PTGER3: variants seen among roughly 807,000 people sequenced by gnomAD.
PTGER3 encodes prostaglandin E receptor 3, also known as prostaglandin E2 receptor EP3 subtype.
In PTGER3, 22 loss-of-function variants were observed where a neutral mutation model predicts 34.7. The observed-to-expected ratio is 0.63, with a 90% CI of 0.45 to 0.91. PTGER3 has a LOEUF of 0.91. PTGER3 is among the 40% of genes least tolerant of loss of function. The pLI, the probability that PTGER3 is intolerant of heterozygous loss-of-function variation, is 0.00. For synonymous variants in PTGER3, 241 were observed against 230.1 expected (o/e 1.05, Z -0.43); for missense variants, 468 against 519.4 (o/e 0.90, Z 0.96).
At chr1:71,042,504 T>C (rs1048479592) in intron 1 of PTGER3, among the ~76,000 whole-genome samples, 1 of 152,028 alleles carries the variant, frequency 6.6e-6, no homozygotes, top group African/African-American at 2.4e-5. Context: ...TTTATAATCA[T>C]AGAATATTTT....
chr1:70,955,546 T>A (rs1651234591), intron 2 of PTGER3, among the ~76,000 whole-genome samples: 3 of 151,956 alleles, frequency 2.0e-5, no homozygotes, highest in African/African-American at 7.2e-5. Context: ...AGGGGAAAAG[T>A]CCTACTAAGA....
intron 2 of PTGER3, among the ~76,000 whole-genome samples, chr1:70,996,658 T>TATTTATTTATTC (rs1655991637): frequency 7.0e-6 from 1 of 142,592 alleles, no homozygotes; most frequent in Non-Finnish European, 1.5e-5. Context: ...TTTATTTATT[T>TATTTATTTATTC]ATTTATTTAT....
Position 70,934,948 on chromosome 1 carries a change from T to G in PTGER3, c.*23+18815A>C, listed in dbSNP as rs537863884. Among the ~76,000 whole-genome samples the G allele has an allele frequency of 2.0e-5, 3 of 152,324 alleles. No homozygotes were observed. The South Asian group carries it at 6.2e-4, about 32-fold the overall frequency. ...TTGTTTAACCTAGCAGTTCTAAACT[T>G]TCCCTTTTGGCCCTTCAAGGTAAAT... is the stretch of plus-strand genomic sequence containing the variant. On this transcript the variant is annotated intron_variant, in intron 4 of 4. Transcript: ENST00000370931.
At chr1:71,000,954 A>G (rs1394410325) in intron 2 of PTGER3, among the ~76,000 whole-genome samples, 3 of 152,176 alleles carry the variant, frequency 2.0e-5, no homozygotes, top group Non-Finnish European at 4.4e-5. Flanking sequence ...AAAATAGAAA[A>G]TCAGCATATA....
At chr1:71,046,179 GA>G (rs1200344427) in intron 1 of PTGER3, among the ~76,000 whole-genome samples, 3 of 149,788 alleles carry the variant, frequency 2.0e-5, no homozygotes, top group African/African-American at 7.4e-5. Context: ...CAGCTACTCG[GA>G]GAGGCTGAGG....
At chr1:71,015,115 A>G (rs3765894) in intron 1 of PTGER3, among the ~76,000 whole-genome samples, 50,339 of 151,820 alleles carry the variant, frequency 0.33, 9,041 homozygotes, top group South Asian at 0.45. Context: ...TTTAATCCTC[A>G]TCATTTCTAC....
At chr1:70,994,196 C>T (rs1655721196) in intron 2 of PTGER3, among the ~76,000 whole-genome samples, 1 of 152,160 alleles carries the variant, frequency 6.6e-6, no homozygotes, top group Non-Finnish European at 1.5e-5. Context: ...AAACTGTCTT[C>T]CCTTCATATC....
rs772786049 is a variant in PTGER3 at position 71,046,668 on chromosome 1, T to C, written c.897+13A>G. On this transcript the variant is annotated intron_variant, in intron 1 of 3. Coordinates refer to ENST00000306666, the MANE Select transcript of PTGER3 (RefSeq NM_198719.2). The stretch of plus-strand genomic sequence containing the variant: ...CACGCATCCTGACTTCCCCCAACCC[T>C]GGAACTACCTACCAGGAGCGGAGAC... 1 of 1,532,420 alleles carries C rather than the reference T, an allele frequency of 6.5e-7. No individual in the cohort carries two copies. Among genetic ancestry groups the C allele is most frequent in the South Asian group, 1.3e-5 (1 of 79,370 alleles). The allele number at this position is 1,532,420 out of a possible 1,614,324, so 94.9% of individuals were successfully genotyped here. A position where few individuals can be genotyped will look rare whatever the true frequency, so the allele number is the denominator to read the frequency against.
intron 4 of PTGER3, among the ~76,000 whole-genome samples, chr1:70,943,436 G>A (rs1020145319): frequency 6.6e-6 from 1 of 152,070 alleles, no homozygotes; most frequent in African/African-American, 2.4e-5. Context: ...TAAAGGTATA[G>A]TTTCTATACC....
chr1:70,995,146 T>A (rs1655821130), intron 2 of PTGER3, among the ~76,000 whole-genome samples: 1 of 152,148 alleles, frequency 6.6e-6, no homozygotes, highest in Non-Finnish European at 1.5e-5. Flanking sequence ...AGGGTAGGTG[T>A]CATTTGAGCT....
chr1:71,030,370 A>G (rs1659304174), intron 1 of PTGER3, among the ~76,000 whole-genome samples: 1 of 152,224 alleles, frequency 6.6e-6, no homozygotes, highest in Non-Finnish European at 1.5e-5. Flanking sequence ...ATTGCACTGT[A>G]TCATACTGGA....
chr1:70,869,624 C>T (rs1361366700), intron 4 of PTGER3, among the ~76,000 whole-genome samples: 1 of 152,194 alleles, frequency 6.6e-6, no homozygotes, highest in African/African-American at 2.4e-5. Flanking sequence ...GGTAAACATT[C>T]CCATTCCAAA....
chr1:70,897,127 C>T (rs565012856), intron 4 of PTGER3, among the ~76,000 whole-genome samples: 25 of 152,234 alleles, frequency 1.6e-4, no homozygotes, highest in Non-Finnish European at 2.9e-4. Context: ...CACCACTCAG[C>T]GATCTTGAGA....
At chr1:70,881,821 T>C (rs775967921) in intron 4 of PTGER3, among the ~76,000 whole-genome samples, 6 of 152,222 alleles carry the variant, frequency 3.9e-5, no homozygotes, top group Non-Finnish European at 8.8e-5. Flanking sequence ...GGCCCTAATA[T>C]GTTGTTTGAG....
At chr1:70,981,293 TTCCTTC>T (rs771651340) in intron 2 of PTGER3, among the ~76,000 whole-genome samples, 3 of 58,852 alleles carry the variant, frequency 5.1e-5, no homozygotes, top group South Asian at 6.5e-4. Flanking sequence ...TCTCTCTCTC[TTCCTTC>T]CTTCCTTCCT....
Position 71,019,733 on chromosome 1 carries a change from T to A in PTGER3, c.898-7249A>T, listed in dbSNP as rs189269238. ...ACTTAAAAATCTTTAGTACTTCACT[T>A]CTTAATTTAAAAATGCCTTGGGTTG... On this transcript the variant is annotated intron_variant, in intron 1 of 3. Coordinates refer to ENST00000306666, the MANE Select transcript of PTGER3 (RefSeq NM_198719.2). Among the ~76,000 whole-genome samples, 4 of 152,318 alleles carry A rather than the reference T, an allele frequency of 2.6e-5. No homozygotes were observed. The East Asian group carries it at 7.7e-4, about 29-fold the overall frequency.
intron 4 of PTGER3, chr1:70,886,211 G>A (rs1417028741): frequency 2.6e-6 from 1 of 392,008 alleles, no homozygotes; most frequent in Middle Eastern, 3.6e-4. Flanking sequence ...TCCCTTCTCT[G>A]TTTTCTCCAC....
chr1:70,964,461 A>T (rs1002232424), intron 2 of PTGER3, among the ~76,000 whole-genome samples: 1 of 152,324 alleles, frequency 6.6e-6, no homozygotes, highest in African/African-American at 2.4e-5. Context: ...TCATGGCAGG[A>T]GGTGAATGAG....
chr1:71,028,373 G>C (rs941947011), intron 1 of PTGER3, among the ~76,000 whole-genome samples: 1 of 152,126 alleles, frequency 6.6e-6, no homozygotes, highest in African/African-American at 2.4e-5. Context: ...AGAGAGATGC[G>C]GCAAACTTTG....
Sources: gnomAD v4.1 joint callset for allele counts (sites outside exome capture counted in the v4.1 genomes callset) on GRCh38, gnomAD v4.1.1 for gene constraint, MANE v1.5 for transcripts, NCBI Gene and HGNC (gene_info 2026-07-23, HGNC 2026-07-21) for gene names.